The following PTPRE variants were observed in gnomAD, a reference collection of about 807,000 sequenced individuals.
PTPRE encodes protein tyrosine phosphatase receptor type E, also known as receptor-type tyrosine-protein phosphatase epsilon.
In PTPRE, 51 loss-of-function variants were observed where a neutral mutation model predicts 102.0. The observed-to-expected ratio is 0.50, with a 90% CI of 0.40 to 0.63. The LOEUF is 0.63. PTPRE is among the 30% of genes least tolerant of loss of function. The probability of loss-of-function intolerance (pLI) is 0.00; values close to 1 mark genes in which losing one functional copy is unlikely to be tolerated. For synonymous variants in PTPRE, 345 were observed against 348.2 expected (o/e 0.99, Z 0.10); for missense variants, 752 against 915.1 (o/e 0.82, Z 2.30).
At chr10:128,025,752 A>G (rs1269115568) in intron 2 of PTPRE, among the ~76,000 whole-genome samples, 1 of 152,062 alleles carries the variant, frequency 6.6e-6, no homozygotes, top group Non-Finnish European at 1.5e-5. Flanking sequence ...GGACTTTGCC[A>G]CCAGGACCTG....
At chr10:128,067,796 C>T (rs1229581319) in intron 11 of PTPRE, among the ~76,000 whole-genome samples, 2 of 152,210 alleles carry the variant, frequency 1.3e-5, no homozygotes, top group Non-Finnish European at 2.9e-5. Context: ...ACTGTCCAGG[C>T]AAGATGGGCC....
chr10:127,969,324 G>A (rs1850507966), intron 1 of PTPRE, among the ~76,000 whole-genome samples: 1 of 152,174 alleles, frequency 6.6e-6, no homozygotes, highest in Non-Finnish European at 1.5e-5. Flanking sequence ...GACGTGGAGA[G>A]GGCAGGGGCC....
chr10:127,987,346 A>G, intron 2 of PTPRE: 1 of 1,280,116 alleles, frequency 7.8e-7, no homozygotes, highest in Non-Finnish European at 1.0e-6. Flanking sequence ...GGAAACATGG[A>G]TTCTCCAAGG....
intron 2 of PTPRE, among the ~76,000 whole-genome samples, chr10:128,018,396 C>T (rs1435801142): frequency 6.6e-6 from 1 of 152,226 alleles, no homozygotes; most frequent in African/African-American, 2.4e-5. Flanking sequence ...ATCTCACACA[C>T]GTTACCATCA....
intron 19 of PTPRE, 110 bp from the exon 20 acceptor site, chr10:128,079,450 T>G: frequency 7.2e-7 from 1 of 1,381,162 alleles, no homozygotes; most frequent in Non-Finnish European, 9.8e-7. Context: ...TCAGATCATT[T>G]TCAGCGATTG....
chr10:127,916,535 C>A (rs1846220815), intron 1 of PTPRE, among the ~76,000 whole-genome samples: 1 of 152,162 alleles, frequency 6.6e-6, no homozygotes, highest in Admixed American at 6.5e-5. Context: ...TGAAAACAGA[C>A]TAATACAAGC....
At chr10:127,938,326 T>A (rs1031814021) in intron 1 of PTPRE, among the ~76,000 whole-genome samples, 1 of 152,120 alleles carries the variant, frequency 6.6e-6, no homozygotes, top group African/African-American at 2.4e-5. Context: ...ACTCTAATTG[T>A]TGGATAGAGT....
chr10:127,975,837 G>A (rs908493885), intron 1 of PTPRE, among the ~76,000 whole-genome samples: 112 of 152,244 alleles, frequency 7.4e-4, no homozygotes, highest in African/African-American at 2.4e-3. Flanking sequence ...CCTTGTTTTC[G>A]AGGACTGCTG....
chr10:127,961,510 G>A (rs1891816), intron 1 of PTPRE, among the ~76,000 whole-genome samples: 1 of 152,166 alleles, frequency 6.6e-6, no homozygotes, highest in African/African-American at 2.4e-5. Flanking sequence ...GGGCCCCCAG[G>A]AGGCCCCTGG....
chr10:127,960,790 G>A (rs1014117950), intron 1 of PTPRE, among the ~76,000 whole-genome samples: 4 of 152,158 alleles, frequency 2.6e-5, no homozygotes, highest in Non-Finnish European at 4.4e-5. Context: ...TTGGGAGGCC[G>A]AGGTGGGCGG....
chr10:127,972,111 A>C (rs926607672), intron 1 of PTPRE, among the ~76,000 whole-genome samples: 2 of 152,242 alleles, frequency 1.3e-5, no homozygotes, highest in East Asian at 3.9e-4. Context: ...ATGCTGCCTG[A>C]CCATGAGGGT....
chr10:128,070,012 C>A lies in PTPRE; in HGVS notation c.1143+185C>A. 1 of 853,896 alleles carries A rather than the reference C, an allele frequency of 1.2e-6. No homozygotes were observed. Among genetic ancestry groups the A allele is most frequent in the Non-Finnish European group, 1.8e-6 (1 of 555,784 alleles). The allele number at this position is 853,896 out of a possible 1,614,324, so 52.9% of individuals were successfully genotyped here. ...ACCTCAGGGACTCCCTCGTCCTCAT[C>A]TTTCCCTCGTATCCTCATGTGAGAT... On this transcript the variant is annotated intron_variant, in intron 13 of 20. Transcript: ENST00000254667. The surrounding 1 kb of genome is among the most constrained non-coding windows in gnomAD (Gnocchi z 4.8).
chr10:128,022,020 C>T (rs1021344460), intron 2 of PTPRE, among the ~76,000 whole-genome samples: 7 of 152,192 alleles, frequency 4.6e-5, no homozygotes, highest in African/African-American at 1.2e-4. Context: ...CTCCCCTGGA[C>T]GCGGTAATGG....
intron 2 of PTPRE, among the ~76,000 whole-genome samples, chr10:128,029,694 C>T (rs1346713285): frequency 2.6e-5 from 4 of 152,028 alleles, no homozygotes; most frequent in Non-Finnish European, 5.9e-5. Context: ...GCTGAATAAA[C>T]AAGCCTTTCA....
chr10:128,049,375 C>G (rs1237813306), intron 5 of PTPRE, among the ~76,000 whole-genome samples, 155 bp from the exon 6 acceptor site: 2 of 152,164 alleles, frequency 1.3e-5, no homozygotes, highest in Non-Finnish European at 2.9e-5. Context: ...GATACAGCTG[C>G]TCGGGACCCG....
At chr10:128,003,728 A>G (rs1300595170) in intron 2 of PTPRE, among the ~76,000 whole-genome samples, 2 of 152,214 alleles carry the variant, frequency 1.3e-5, no homozygotes, top group African/African-American at 4.8e-5. Flanking sequence ...GCAACTTCTA[A>G]TAATGAGTGT....
intron 11 of PTPRE, among the ~76,000 whole-genome samples, chr10:128,067,173 T>G (rs556902418): frequency 3.1e-5 from 4 of 128,194 alleles, no homozygotes; most frequent in Admixed American, 1.6e-4. Context: ...CATGCACACA[T>G]GCACACATTC....
intron 2 of PTPRE, among the ~76,000 whole-genome samples, chr10:128,040,018 G>C (rs1847543712): frequency 6.6e-6 from 1 of 152,200 alleles, no homozygotes; most frequent in Non-Finnish European, 1.5e-5. Context: ...GCCTTTTTCT[G>C]TGCTGAGCCA....
chr10:128,070,200 G>C lies in PTPRE; in HGVS notation c.1144-101G>C. The C allele has an allele frequency of 7.2e-7, 1 of 1,391,408 alleles. No individual in the cohort carries two copies. The highest frequency in any genetic ancestry group is 2.4e-5 in the Admixed American group (1 of 42,472). The allele number at this position is 1,391,408 out of a possible 1,614,324, so 86.2% of individuals were successfully genotyped here. A position where few individuals can be genotyped will look rare whatever the true frequency, so the allele number is the denominator to read the frequency against. The stretch of plus-strand genomic sequence containing the variant: ...TCACACCTCCTTGTGTTGGCAAAAA[G>C]AGAAAAAGAAGAAAGCCGCCCTCTT... On this transcript the variant is annotated intron_variant, in intron 13 of 20. Coordinates refer to ENST00000254667, the MANE Select transcript of PTPRE (RefSeq NM_006504.6). The surrounding 1 kb of genome is among the most constrained non-coding windows in gnomAD (Gnocchi z 4.8).
Sources: gnomAD v4.1 joint callset for allele counts (sites outside exome capture counted in the v4.1 genomes callset) on GRCh38, gnomAD v4.1.1 for gene constraint, Gnocchi (gnomAD v3.1) non-coding constraint, MANE v1.5 for transcripts, NCBI Gene and HGNC (gene_info 2026-07-23, HGNC 2026-07-21) for gene names.